The following CECR2 variants were observed in gnomAD, a reference collection of about 807,000 sequenced individuals.
CECR2 encodes CECR2 histone acetyl-lysine reader.
In CECR2, 30 loss-of-function variants were observed where a neutral mutation model predicts 154.5. That is an observed-to-expected ratio of 0.19 (90% CI 0.15 to 0.26). CECR2 has a LOEUF of 0.26. CECR2 is among the 10% of genes least tolerant of loss of function. The pLI is 1.00. For missense variants in CECR2, 1,743 were observed against 1,829.3 expected (o/e 0.95, Z 0.86); for synonymous variants, 725 against 683.7 (o/e 1.06, Z -0.94).
intron 12 of CECR2, 92 bp downstream of exon 12, chr22:17,538,823 GAT>G: frequency 7.7e-7 from 1 of 1,294,046 alleles, no homozygotes; most frequent in South Asian, 1.4e-5. Flanking sequence ...TATATATTTT[GAT>G]ACGTTTTTCT....
intron 7 of CECR2, among the ~76,000 whole-genome samples, 197 bp from the exon 8 acceptor site, chr22:17,511,616 A>AT (rs1569132650): frequency 6.8e-6 from 1 of 146,808 alleles, no homozygotes; most frequent in South Asian, 2.1e-4. Context: ...TTTTGTTTTT[A>AT]TTTTTTCAAG....
intron 1 of CECR2, among the ~76,000 whole-genome samples, chr22:17,426,807 T>G (rs2054337881): frequency 6.6e-6 from 1 of 152,232 alleles, no homozygotes; most frequent in South Asian, 2.1e-4. Context: ...GTTCTCTCTG[T>G]GTCCTATAAA....
intron 1 of CECR2, among the ~76,000 whole-genome samples, chr22:17,393,272 A>G (rs1237880805): frequency 1.3e-5 from 2 of 152,094 alleles, no homozygotes; most frequent in Non-Finnish European, 2.9e-5. Context: ...ATCATGTAGT[A>G]TGTGCCCCTT....
At chr22:17,483,502 T>TA (rs1422509054) in intron 2 of CECR2, among the ~76,000 whole-genome samples, 2 of 152,140 alleles carry the variant, frequency 1.3e-5, no homozygotes, top group Admixed American at 1.3e-4. Flanking sequence ...GCATGTAGTC[T>TA]AAGCTACTAG....
intron 9 of CECR2, among the ~76,000 whole-genome samples, chr22:17,535,044 G>C (rs1336044534): frequency 6.6e-6 from 1 of 151,224 alleles, no homozygotes; most frequent in African/African-American, 2.4e-5. Context: ...CCAGCTATTC[G>C]GGAGGCTGAG....
chr22:17,412,723 G>T (rs1053448455), intron 1 of CECR2, among the ~76,000 whole-genome samples: 35 of 152,228 alleles, frequency 2.3e-4, no homozygotes, highest in African/African-American at 7.7e-4. Flanking sequence ...AGCCATTCTT[G>T]AGTCTCCATC....
At chr22:17,534,940 G>C (rs1196964162) in intron 9 of CECR2, among the ~76,000 whole-genome samples, 1 of 150,128 alleles carries the variant, frequency 6.7e-6, no homozygotes, top group Non-Finnish European at 1.5e-5. Context: ...CACAAGGTCA[G>C]GAGATCAAGA....
intron 2 of CECR2, among the ~76,000 whole-genome samples, chr22:17,494,077 A>G (rs545551117): frequency 1.3e-5 from 2 of 152,226 alleles, no homozygotes; most frequent in East Asian, 3.9e-4. Context: ...GTTTTTAAAA[A>G]AACACTTTTT....
chr22:17,366,473 T>G (rs933833621), upstream of CECR2, among the ~76,000 whole-genome samples: 2 of 152,072 alleles, frequency 1.3e-5, no homozygotes, highest in Non-Finnish European at 2.9e-5. Flanking sequence ...AGGCGTCACC[T>G]ACCGCCCCGG....
chr22:17,536,994 T>G (rs546300464), intron 9 of CECR2, 109 bp from the exon 10 acceptor site: 1 of 1,353,704 alleles, frequency 7.4e-7, no homozygotes, highest in African/African-American at 1.5e-5. Context: ...AGTTGCTTCA[T>G]AATCCTGCTT....
intron 1 of CECR2, among the ~76,000 whole-genome samples, chr22:17,449,480 G>GTCCTTT (rs1479640468): frequency 9.9e-4 from 96 of 97,160 alleles, no homozygotes; most frequent in Middle Eastern, 6.5e-3. Flanking sequence ...TTGGTAACCA[G>GTCCTTT]TTCTTTTTTT....
intron 7 of CECR2, among the ~76,000 whole-genome samples, chr22:17,506,703 G>T (rs557395642): frequency 6.6e-6 from 1 of 152,054 alleles, no homozygotes; most frequent in African/African-American, 2.4e-5. Context: ...ACTCAGGGTG[G>T]AGTGCAGTGG....
intron 1 of CECR2, among the ~76,000 whole-genome samples, chr22:17,450,202 T>G (rs1335807900): frequency 1.3e-5 from 2 of 152,252 alleles, no homozygotes; most frequent in Admixed American, 6.5e-5. Context: ...GGAAATAGTT[T>G]AGATTCATTT....
intron 1 of CECR2, among the ~76,000 whole-genome samples, chr22:17,417,746 G>C (rs982339601): frequency 6.6e-6 from 1 of 152,028 alleles, no homozygotes. Context: ...AGCCTCCCTA[G>C]TAGCTGGGAC....
intron 1 of CECR2, among the ~76,000 whole-genome samples, chr22:17,438,505 T>A (rs2054538501): frequency 6.6e-6 from 1 of 152,222 alleles, no homozygotes; most frequent in African/African-American, 2.4e-5. Context: ...GAGCCCAAAA[T>A]GTTTTCCCAT....
intron 1 of CECR2, among the ~76,000 whole-genome samples, chr22:17,406,395 C>T (rs113627096): frequency 7.9e-5 from 12 of 152,128 alleles, no homozygotes; most frequent in Non-Finnish European, 1.6e-4. Flanking sequence ...TGGTGGCACA[C>T]GCCTGTAATC....
chr22:17,549,618 T>A, intron 17 of CECR2, 54 bp downstream of exon 17: 1 of 1,395,080 alleles, frequency 7.2e-7, no homozygotes, highest in South Asian at 1.4e-5. Context: ...GTTTATTTTA[T>A]GTATTTATTT....
In CECR2 at chr22:17,549,430, C is replaced by G; in HGVS notation, c.4143C>G (p.Asn1381Lys). The stretch of plus-strand genomic sequence containing the variant: ...ACCACCCAGGGGCCACCCAGCCCAA[C>G]GGCCTCTCTCAGGAGGGTCCCATCT... ...PPHHPGATQPNGLSQEGPIYR... is the reference protein window; with the variant it reads ...PPHHPGATQPKGLSQEGPIYR... The change falls in exon 17 of 19, where the codon AAC becomes AAG. Residue 1381 changes from asparagine (N) to lysine (K), a missense_variant. Physicochemically the swap from Asn to Lys is moderately conservative, Grantham distance 94. Coordinates refer to ENST00000262608, the MANE Select transcript of CECR2 (RefSeq NM_001290047.2). 6.2e-7 allele frequency: 1 copy of G among 1,613,272 alleles called. No individual in the cohort carries two copies. The highest frequency in any genetic ancestry group is 8.5e-7 in the Non-Finnish European group (1 of 1,179,530).
intron 1 of CECR2, among the ~76,000 whole-genome samples, chr22:17,408,023 T>A (rs1360746971): frequency 6.6e-6 from 1 of 152,228 alleles, no homozygotes; most frequent in Non-Finnish European, 1.5e-5. Flanking sequence ...TTATTTTTAT[T>A]TTTTCAAGTT....
Sources: allele counts gnomAD v4.1 joint callset (sites outside exome capture counted in the v4.1 genomes callset), GRCh38; gene constraint gnomAD v4.1.1; transcripts MANE v1.5; gene names NCBI Gene and HGNC (gene_info 2026-07-23, HGNC 2026-07-21).